The following ASAP3 variants were observed in gnomAD, a reference collection of about 807,000 sequenced individuals.
ASAP3 encodes arf-GAP with SH3 domain, ANK repeat and PH domain-containing protein 3.
Under a neutral mutation model 118.2 loss-of-function variants are expected in ASAP3, and 85 were observed. That is an observed-to-expected ratio of 0.72 (90% CI 0.60 to 0.86). The LOEUF (loss-of-function observed/expected upper bound fraction) is 0.86. ASAP3 is among the 40% of genes least tolerant of loss of function. ASAP3 has a pLI of 0.00. For synonymous variants in ASAP3, 432 were observed against 477.4 expected, an observed-to-expected ratio of 0.90 and a Z score of 1.24; for missense variants, 1,026 against 1,175.0, an observed-to-expected ratio of 0.87 and a Z score of 1.85.
intron 4 of ASAP3, among the ~76,000 whole-genome samples, chr1:23,451,856 A>G (rs1641225888): frequency 6.6e-6 from 1 of 152,140 alleles, no homozygotes; most frequent in Non-Finnish European, 1.5e-5. Flanking sequence ...CTCAGAAGAG[A>G]GATCAGTCAT....
chr1:23,452,931 G>A (rs1176187122), intron 3 of ASAP3, among the ~76,000 whole-genome samples, 160 bp from the exon 4 acceptor site: 2 of 152,102 alleles, frequency 1.3e-5, no homozygotes, highest in Non-Finnish European at 1.5e-5. Flanking sequence ...CAAGTAAGGG[G>A]GACCGTCATG....
Position 23,437,336 on chromosome 1 carries a change from G to A in ASAP3, c.1152-16C>T. The A allele has an allele frequency of 1.2e-6, 2 of 1,608,202 alleles. No homozygotes were observed. Among genetic ancestry groups the A allele is most frequent in the Non-Finnish European group, 1.7e-6 (2 of 1,176,284 alleles). On this transcript the variant is annotated splice_polypyrimidine_tract_variant and intron_variant, in intron 13 of 24. Transcript: ENST00000336689. The surrounding 1 kb of genome is among the most constrained non-coding windows in gnomAD (Gnocchi z 6.1). The stretch of plus-strand genomic sequence containing the variant: ...TGACACCCACCTGCGGAGATTGAAC[G>A]GGGTGGGATGGGGATGTCAAGTGGG...
upstream of ASAP3, chr1:23,484,217 G>T (rs1026148642): frequency 2.5e-6 from 3 of 1,195,146 alleles, no homozygotes; most frequent in East Asian, 7.0e-5. Flanking sequence ...CCGCCGGCCG[G>T]GGGCGCCGTC....
intron 5 of ASAP3, among the ~76,000 whole-genome samples, chr1:23,449,244 G>C (rs974070186): frequency 1.3e-5 from 2 of 152,148 alleles, no homozygotes; most frequent in Non-Finnish European, 2.9e-5. Flanking sequence ...ATAAATACTT[G>C]CTGAACTGAA....
chr1:23,437,414 G>A lies in ASAP3; in HGVS notation c.1151+10C>T, dbSNP rs1466226326. On this transcript the variant is annotated intron_variant, in intron 13 of 24. Transcript: ENST00000336689. This position sits in a 1 kb window ranked among gnomAD's most constrained non-coding sequence, Gnocchi z 6.1. ...ACAAGGCTGGCCGGGCTGGCCGAGG[G>A]GGCACTCACGCCTCACACTCGTGCT... is the stretch of plus-strand genomic sequence containing the variant. 6.2e-7 allele frequency: 1 copy of A among 1,613,696 alleles called. No homozygotes were observed. Among genetic ancestry groups the A allele is most frequent in the African/African-American group, 1.3e-5 (1 of 74,934 alleles).
intron 1 of ASAP3, among the ~76,000 whole-genome samples, chr1:23,459,669 C>G (rs1257262533): frequency 6.6e-6 from 1 of 152,256 alleles, no homozygotes; most frequent in Non-Finnish European, 1.5e-5. Flanking sequence ...CACACCGCCA[C>G]AGCAAGGCAG....
At chr1:23,444,863 T>C (rs1009200636) in intron 5 of ASAP3, among the ~76,000 whole-genome samples, 2 of 152,030 alleles carry the variant, frequency 1.3e-5, no homozygotes, top group Non-Finnish European at 2.9e-5. Flanking sequence ...TGGTGGTTTG[T>C]ATGTTTAGCA....
intron 1 of ASAP3, among the ~76,000 whole-genome samples, chr1:23,462,554 C>T (rs1050368377): frequency 6.6e-6 from 1 of 151,614 alleles, no homozygotes; most frequent in Non-Finnish European, 1.5e-5. Flanking sequence ...TGGCAGATCA[C>T]GAAGTCAAGA....
intron 21 of ASAP3, 58 bp downstream of exon 21, chr1:23,433,367 C>T (rs1017012450): frequency 4.3e-6 from 7 of 1,613,566 alleles, no homozygotes; most frequent in Admixed American, 1.7e-5. Flanking sequence ...CACACCAGGC[C>T]CAATCTGGCT....
Position 23,433,121 on chromosome 1 carries a change from G to A in ASAP3, c.2279C>T (p.Ser760Phe), listed in dbSNP as rs1640500565. ...DCPPPLPVKN[S>F]SRTLVQGCAR... ...ACACCCTTGGACCAAAGTCCGAGAAGAGTTTTTGACTGGCAAGGGCGGGGG... is the reference window on the plus strand; with the variant it reads ...ACACCCTTGGACCAAAGTCCGAGAAAAGTTTTTGACTGGCAAGGGCGGGGG... The change falls in exon 22 of 25, where the codon TCT becomes TTT. Residue 760 changes from serine to phenylalanine, a missense_variant. Transcript: ENST00000336689. 2 of 1,614,148 alleles carry A rather than the reference G, an allele frequency of 1.2e-6. No homozygotes were observed. Among genetic ancestry groups the A allele is most frequent in the Non-Finnish European group, 1.7e-6 (2 of 1,180,012 alleles).
chr1:23,474,580 A>T (rs891060832), intron 1 of ASAP3, among the ~76,000 whole-genome samples: 1 of 151,084 alleles, frequency 6.6e-6, no homozygotes, highest in Non-Finnish European at 1.5e-5. Flanking sequence ...AGCTTTATTT[A>T]TTTATTTATT....
rs532640961 is a variant in ASAP3, at chr1:23,431,041, G to A, written c.2631C>T (p.Asn877=). 80 of 1,581,992 alleles carry A rather than the reference G, an allele frequency of 5.1e-5. No individual in the cohort carries two copies. Among genetic ancestry groups the A allele is most frequent in the Non-Finnish European group, 6.5e-5 (76 of 1,165,686 alleles). The change falls in exon 24 of 25, where the codon AAC becomes AAT. Residue 877 remains asparagine (N), a synonymous_variant. Coordinates refer to ENST00000336689, the MANE Select transcript of ASAP3 (RefSeq NM_017707.4). ...ATGGTCCCAGAGTTCCTACCGGCAC[G>A]TTCCTTCTGGGCAGAGGCTGCCTGG... is the stretch of plus-strand genomic sequence containing the variant. ...PSARQPLPRR[N]VPVGITEGDG... is the part of the protein sequence containing the mutation.
At chr1:23,468,907 G>A (rs1570401966) in intron 1 of ASAP3, among the ~76,000 whole-genome samples, 1 of 140,158 alleles carries the variant, frequency 7.1e-6, no homozygotes. Flanking sequence ...ATACCTGAAT[G>A]AGCAAACCAA....
rs35344912 is a variant in ASAP3 at position 23,440,500 on chromosome 1, C to CAAAAAAAA, written c.944+594_944+601dup. ...TGGGTGACGGAGGGAGACTCCATCTCAAAAAAAAAAAAAAAAAAAAAAAAA... is the reference window on the plus strand; with the variant it reads ...TGGGTGACGGAGGGAGACTCCATCTCAAAAAAAAAAAAAAAAAAAAAAAAAAAAAAAAA... On this transcript the variant is annotated intron_variant, in intron 10 of 24. Coordinates refer to ENST00000336689, the MANE Select transcript of ASAP3 (RefSeq NM_017707.4). 4.9e-4 allele frequency among the ~76,000 whole-genome samples: 12 copies of CAAAAAAAA among 24,318 alleles called. 1 individual carries two copies. Among genetic ancestry groups the CAAAAAAAA allele is most frequent in the African/African-American group, 2.1e-3 (10 of 4,838 alleles). The allele number at this position is 24,318 out of a possible 152,430, so 16.0% of individuals were successfully genotyped here. A position where few individuals can be genotyped will look rare whatever the true frequency, so the allele number is the denominator to read the frequency against.
At position 23,442,556 on chromosome 1, in the gene ASAP3, T is replaced by A; in HGVS notation, c.530A>T (p.Glu177Val). ...RARVTGGIPG[E>V]VAQDMQRERR... is the part of the protein sequence containing the mutation. ...CTCTCTCTGCATGTCCTGGGCCACC[T>A]CCCCAGGGATCCCTCCTGTCACCCT... is the stretch of plus-strand genomic sequence containing the variant. The change falls in exon 6 of 25, where the codon GAG becomes GTG. Residue 177 changes from glutamate to valine, a missense_variant. By Grantham distance (121) the Glu-to-Val change is moderately radical. Coordinates refer to ENST00000336689, the MANE Select transcript of ASAP3 (RefSeq NM_017707.4). 1 of 1,613,796 alleles carries A rather than the reference T, an allele frequency of 6.2e-7. No homozygotes were observed. The highest frequency in any genetic ancestry group is 1.1e-5 in the South Asian group (1 of 91,068).
At chr1:23,462,442 A>G (rs1264844828) in intron 1 of ASAP3, among the ~76,000 whole-genome samples, 1 of 151,872 alleles carries the variant, frequency 6.6e-6, no homozygotes. Flanking sequence ...TATTCATTCA[A>G]TTAGTTATTG....
chr1:23,428,865 T>TGATAG lies in ASAP3; in HGVS notation c.*986_*990dup, dbSNP rs2148594644. 1 of 154,944 alleles carries TGATAG rather than the reference T, an allele frequency of 6.5e-6. No individual in the cohort carries two copies. The highest frequency in any genetic ancestry group is 2.0e-4 in the South Asian group (1 of 4,918). 9.6% of individuals were successfully genotyped at this position (154,944 alleles called of 1,614,324 possible). On this transcript the variant is annotated 3_prime_UTR_variant, in exon 25 of 25. Coordinates refer to ENST00000336689, the MANE Select transcript of ASAP3 (RefSeq NM_017707.4). ...CTGCTTTCTCATTGGGGCTGAGCAA[T>TGATAG]GATAGAATTTCTAGGGCTGGGAAGC...
chr1:23,442,728 G>C, intron 5 of ASAP3, 116 bp from the exon 6 acceptor site: 6 of 1,448,604 alleles, frequency 4.1e-6, no homozygotes, highest in Non-Finnish European at 5.5e-6. Context: ...TGTGCCAGCT[G>C]TGTGGTGGGG....
intron 5 of ASAP3, among the ~76,000 whole-genome samples, chr1:23,449,613 A>C (rs537307063): frequency 4.6e-5 from 7 of 152,308 alleles, no homozygotes; most frequent in African/African-American, 1.4e-4. Flanking sequence ...AGGAGTGTAC[A>C]GTCACCCGTG....
Sources: allele counts gnomAD v4.1 joint callset (sites outside exome capture counted in the v4.1 genomes callset), GRCh38; gene constraint gnomAD v4.1.1; non-coding constraint Gnocchi (gnomAD v3.1); transcripts MANE v1.5; gene names NCBI Gene and HGNC (gene_info 2026-07-23, HGNC 2026-07-21).